Variants in FAM186B observed in about 807,000 individuals in gnomAD.
FAM186B encodes the protein protein FAM186B.
In FAM186B, 68 loss-of-function variants were observed where a neutral mutation model predicts 83.4. The ratio of observed to expected loss-of-function variants is 0.81; its 90% CI spans 0.67 to 1.00. The LOEUF is 1.00. Ranked by LOEUF, FAM186B falls within the 50% of genes least tolerant of loss-of-function variation. The pLI, the probability that FAM186B is intolerant of heterozygous loss-of-function variation, is 0.00. For missense variants in FAM186B, 983 were observed against 1,099.2 expected (o/e 0.89, Z 1.49); for synonymous variants, 389 against 422.0 (o/e 0.92, Z 0.96).
the FAM186B span, among the ~76,000 whole-genome samples, chr12:49,620,405 C>T: frequency 6.6e-6 from 1 of 151,998 alleles, no homozygotes; most frequent in Non-Finnish European, 1.5e-5. Context: ...CGCGGTGGCT[C>T]ACACCTGTAA....
chr12:49,593,193 C>T (rs911174793), intron 5 of FAM186B: 5 of 152,194 alleles, frequency 3.3e-5, no homozygotes, highest in Non-Finnish European at 4.4e-5. Context: ...CACACAAATT[C>T]ATGAAGTGTT....
chr12:49,585,211 G>A (rs979063497), downstream of FAM186B, among the ~76,000 whole-genome samples: 1 of 151,862 alleles, frequency 6.6e-6, no homozygotes, highest in South Asian at 2.1e-4. Context: ...GTAGAGATGG[G>A]GTTTCACCAT....
At chr12:49,611,757 G>T in the FAM186B span, among the ~76,000 whole-genome samples, 6 of 141,456 alleles carry the variant, frequency 4.2e-5, no homozygotes, top group Non-Finnish European at 9.1e-5. Flanking sequence ...TACTTGGGAG[G>T]CTGAGGCAGG....
chr12:49,601,278 G>T (rs1939889393), intron 3 of FAM186B, 144 bp from the exon 4 acceptor site: 1 of 1,162,632 alleles, frequency 8.6e-7, no homozygotes, highest in Non-Finnish European at 1.2e-6. Flanking sequence ...ATGGGGCCAG[G>T]GACAGTGCTG....
chr12:49,590,778 G>GGCAT (rs1703520923), intron 5 of FAM186B, among the ~76,000 whole-genome samples: 1 of 152,128 alleles, frequency 6.6e-6, no homozygotes, highest in African/African-American at 2.4e-5. Flanking sequence ...TAACCCATAG[G>GGCAT]GCATGGTCCC....
chr12:49,583,333 TACTC>T, downstream of FAM186B: 1 of 263,496 alleles, frequency 3.8e-6, no homozygotes, highest in Non-Finnish European at 7.7e-6. Flanking sequence ...TTAAATAACT[TACTC>T]ATAGCCAGTT....
chr12:49,618,237 C>T, the FAM186B span, among the ~76,000 whole-genome samples: 1 of 151,882 alleles, frequency 6.6e-6, no homozygotes, highest in Non-Finnish European at 1.5e-5. Flanking sequence ...CGCAGCTACG[C>T]AGGAGGCTAA....
the FAM186B span, among the ~76,000 whole-genome samples, chr12:49,621,891 A>G: frequency 1.3e-5 from 2 of 152,212 alleles, no homozygotes; most frequent in African/African-American, 4.8e-5. Context: ...AGAAACAGCT[A>G]AAAGAGGTGA....
At chr12:49,586,202 T>C (rs1335982353), downstream of FAM186B, among the ~76,000 whole-genome samples, 1 of 152,186 alleles carries the variant, frequency 6.6e-6, no homozygotes, top group Non-Finnish European at 1.5e-5. Context: ...AATATTTTGA[T>C]AAGTGCCTTA....
intron 5 of FAM186B, among the ~76,000 whole-genome samples, chr12:49,589,173 T>C (rs542639411): frequency 2.0e-5 from 3 of 152,372 alleles, no homozygotes; most frequent in African/African-American, 7.2e-5. Flanking sequence ...TCTGGCTGCC[T>C]GATGCCAGCC....
intron 5 of FAM186B, among the ~76,000 whole-genome samples, chr12:49,592,582 G>A (rs891746988): frequency 6.6e-6 from 1 of 152,140 alleles, no homozygotes; most frequent in African/African-American, 2.4e-5. Flanking sequence ...CCAGGAGTTC[G>A]AGACCAGCCT....
At chr12:49,619,454 G>A in the FAM186B span, 1 of 600,840 alleles carries the variant, frequency 1.7e-6, no homozygotes. Context: ...AGCAATTGTT[G>A]CATATGTATT....
the FAM186B span, among the ~76,000 whole-genome samples, chr12:49,616,196 A>C: frequency 2.0e-3 from 301 of 152,198 alleles, 1 homozygote; most frequent in Non-Finnish European, 3.5e-3. Context: ...TGCTCGGCTA[A>C]TTTTTGTATT....
At chr12:49,597,374 G>T (rs909045155) in intron 5 of FAM186B, among the ~76,000 whole-genome samples, 1 of 148,510 alleles carries the variant, frequency 6.7e-6, no homozygotes, top group Non-Finnish European at 1.5e-5. Flanking sequence ...GAAAAATATC[G>T]CATGATCTCA....
Position 49,587,626 on chromosome 12 carries a change from C to A in FAM186B, c.2661G>T (p.Arg887=). 6.2e-7 allele frequency: 1 copy of A among 1,613,500 alleles called. No homozygotes were observed. The change falls in exon 7 of 7, where the codon CGG becomes CGT. Residue 887 remains arginine, a synonymous_variant. Transcript: ENST00000257894. ...DQLRGHPDIP[R]LLTLDV ...AGGACTACACGTCCAGTGTCAACAGCCGGGGAATATCTGGGTGTCCCCTCA... is the reference window on the plus strand; with the variant it reads ...AGGACTACACGTCCAGTGTCAACAGACGGGGAATATCTGGGTGTCCCCTCA...
upstream of FAM186B, among the ~76,000 whole-genome samples, chr12:49,606,221 C>T (rs1940017049): frequency 6.6e-6 from 1 of 152,062 alleles, no homozygotes. Flanking sequence ...AAGCCAGGCT[C>T]AGTGGCTCAC....
At chr12:49,622,617 C>G in the FAM186B span, 1 of 152,226 alleles carries the variant, frequency 6.6e-6, no homozygotes, top group African/African-American at 2.4e-5. Context: ...AGGGTGAATC[C>G]CACTTCCTTT....
chr12:49,590,563 A>G (rs1441662718), intron 5 of FAM186B, among the ~76,000 whole-genome samples: 1 of 151,826 alleles, frequency 6.6e-6, no homozygotes, highest in Non-Finnish European at 1.5e-5. Context: ...TACATTTTGG[A>G]TGGTTACTTT....
At chr12:49,587,477 T>G (rs753531858), downstream of FAM186B, 44 of 1,329,946 alleles carry the variant, frequency 3.3e-5, no homozygotes, top group Non-Finnish European at 4.6e-5. Context: ...TCTCTCTATC[T>G]GGTGTGGGAT....
Sources: allele counts gnomAD v4.1 joint callset (sites outside exome capture counted in the v4.1 genomes callset), GRCh38; gene constraint gnomAD v4.1.1; transcripts MANE v1.5; gene names NCBI Gene and HGNC (gene_info 2026-07-23, HGNC 2026-07-21).